The following BBX variants were observed in gnomAD, a reference collection of about 807,000 sequenced individuals.
BBX encodes HMG box transcription factor BBX.
Under a neutral mutation model 100.2 loss-of-function variants are expected in BBX, and 30 were observed. The ratio of observed to expected loss-of-function variants is 0.30; its 90% CI spans 0.22 to 0.41. The LOEUF (loss-of-function observed/expected upper bound fraction) is 0.41. Ranked by LOEUF, BBX falls within the 10% of genes least tolerant of loss-of-function variation. The probability of loss-of-function intolerance (pLI) is 1.00; values close to 1 mark genes in which losing one functional copy is unlikely to be tolerated. For missense variants in BBX, 1,023 were observed against 1,129.8 expected (o/e 0.91, Z 1.35); for synonymous variants, 376 against 388.1 (o/e 0.97, Z 0.37).
At chr3:107,780,108 C>G (rs2067722735) in intron 13 of BBX, among the ~76,000 whole-genome samples, 1 of 151,962 alleles carries the variant, frequency 6.6e-6, no homozygotes, top group South Asian at 2.1e-4. Context: ...AATGGATTGC[C>G]AAATGAAATG....
intron 3 of BBX, among the ~76,000 whole-genome samples, chr3:107,656,091 A>G (rs1203271459): frequency 6.6e-6 from 1 of 152,176 alleles, no homozygotes; most frequent in Non-Finnish European, 1.5e-5. Context: ...TTATTCTGTT[A>G]TTTAATTCAT....
At chr3:107,591,618 G>A (rs1381804280) in intron 2 of BBX, among the ~76,000 whole-genome samples, 2 of 152,200 alleles carry the variant, frequency 1.3e-5, no homozygotes, top group African/African-American at 4.8e-5. Flanking sequence ...CTCCCGAGTA[G>A]CTGGGACCAC....
At chr3:107,753,078 T>C (rs945112400) in intron 9 of BBX, among the ~76,000 whole-genome samples, 7 of 152,068 alleles carry the variant, frequency 4.6e-5, no homozygotes, top group African/African-American at 1.4e-4. Flanking sequence ...GAAGGGATTA[T>C]TATGGAAAGA....
chr3:107,644,080 G>A (rs1042720283), intron 2 of BBX, among the ~76,000 whole-genome samples: 1 of 152,034 alleles, frequency 6.6e-6, no homozygotes, highest in African/African-American at 2.4e-5. Context: ...ATAAATTATT[G>A]AACAGTTATC....
intron 10 of BBX, among the ~76,000 whole-genome samples, chr3:107,762,145 T>C (rs1223938875): frequency 6.6e-6 from 1 of 152,226 alleles, no homozygotes; most frequent in Non-Finnish European, 1.5e-5. Flanking sequence ...TAGGTTATTT[T>C]TGGAGGAACA....
rs1050706869 is a variant in BBX at position 107,807,710 on chromosome 3, T to TAAA, written c.*2264_*2266dup. 2.1e-5 allele frequency: 3 copies of TAAA among 142,386 alleles called. No individual in the cohort carries two copies. The highest frequency in any genetic ancestry group is 1.4e-4 in the Admixed American group (2 of 14,240). 8.8% of individuals were successfully genotyped at this position (142,386 alleles called of 1,614,324 possible). On this transcript the variant is annotated 3_prime_UTR_variant, in exon 18 of 18. Transcript: ENST00000325805. The stretch of plus-strand genomic sequence containing the variant: ...TGCTGTATATTCCTGGGACCTTTTT[T>TAAA]AAAAAAAAAAAAAGCAAAACAAAAG...
chr3:107,650,681 A>G (rs1015351989), intron 3 of BBX, among the ~76,000 whole-genome samples: 2 of 152,126 alleles, frequency 1.3e-5, no homozygotes, highest in Admixed American at 6.5e-5. Flanking sequence ...TAAATGGAGT[A>G]TTTTTGTAAC....
intron 2 of BBX, among the ~76,000 whole-genome samples, chr3:107,627,807 A>G (rs892775269): frequency 1.3e-5 from 2 of 152,118 alleles, no homozygotes; most frequent in African/African-American, 4.8e-5. Flanking sequence ...GTTGTAAGAA[A>G]GAAAGCATGA....
chr3:107,716,724 C>T lies in BBX; in HGVS notation c.280C>T (p.His94Tyr), dbSNP rs774850210. ...MNAFLLFCKR[H>Y]RSLVRQEHPR... The stretch of plus-strand genomic sequence containing the variant: ...TGCATTTCTTTTATTTTGCAAACGC[C>T]ATCGCTCTCTTGTACGTCAGGAACA... Residue 94 changes from histidine to tyrosine, a missense_variant, in exon 5 of 18, where the codon CAT becomes TAT. Physicochemically the swap from His to Tyr is moderately conservative, Grantham distance 83. Coordinates refer to ENST00000325805, the MANE Select transcript of BBX (RefSeq NM_001142568.3). 5 of 1,613,668 alleles carry T rather than the reference C, an allele frequency of 3.1e-6. No homozygotes were observed. In the African/African-American group the frequency reaches 6.7e-5, roughly 22 times the overall value.
intron 2 of BBX, among the ~76,000 whole-genome samples, chr3:107,583,963 ATT>A (rs1491096780): frequency 5.6e-5 from 4 of 70,854 alleles, no homozygotes; most frequent in Non-Finnish European, 7.4e-5. Context: ...TATTATATAT[ATT>A]ATATATATTA....
chr3:107,737,742 A>C (rs1424855588), intron 7 of BBX, among the ~76,000 whole-genome samples: 1 of 152,106 alleles, frequency 6.6e-6, no homozygotes, highest in African/African-American at 2.4e-5. Context: ...AAAGGAAATC[A>C]CATTGATTTT....
chr3:107,616,261 A>G (rs1213171411), intron 2 of BBX, among the ~76,000 whole-genome samples: 1 of 151,772 alleles, frequency 6.6e-6, no homozygotes, highest in East Asian at 1.9e-4. Flanking sequence ...TGAATTCGGT[A>G]TGCTCAAATG....
chr3:107,741,212 A>G (rs1297619528), intron 7 of BBX, among the ~76,000 whole-genome samples: 1 of 152,002 alleles, frequency 6.6e-6, no homozygotes, highest in Non-Finnish European at 1.5e-5. Flanking sequence ...CATGATAACA[A>G]CCTAGCTTTC....
Position 107,810,914 on chromosome 3 carries a change from T to A in BBX, c.*5457T>A, listed in dbSNP as rs1161147535. The A allele has an allele frequency of 6.6e-6, 1 of 151,970 alleles. No individual in the cohort carries two copies. Among genetic ancestry groups the A allele is most frequent in the Non-Finnish European group, 1.5e-5 (1 of 67,966 alleles). The allele number at this position is 151,970 out of a possible 1,614,324, so 9.4% of individuals were successfully genotyped here. ...TTTCAGCATGACTGAATCGCTCATT[T>A]TTTTTTTTTGCTTTCAGAAATTGGC... On this transcript the variant is annotated 3_prime_UTR_variant, in exon 18 of 18. Coordinates refer to ENST00000325805, the MANE Select transcript of BBX (RefSeq NM_001142568.3).
At chr3:107,763,606 G>A (rs1213632995) in intron 10 of BBX, among the ~76,000 whole-genome samples, 2 of 152,068 alleles carry the variant, frequency 1.3e-5, no homozygotes, top group East Asian at 3.9e-4. Context: ...CCTGAACCCA[G>A]GAACATAAAA....
At chr3:107,727,396 G>A (rs2063026420) in intron 5 of BBX, among the ~76,000 whole-genome samples, 1 of 152,046 alleles carries the variant, frequency 6.6e-6, no homozygotes, top group African/African-American at 2.4e-5. Context: ...TGTGTCTCTT[G>A]TATCACAGTT....
intron 3 of BBX, among the ~76,000 whole-genome samples, chr3:107,693,316 G>T (rs1304645359): frequency 6.6e-6 from 1 of 151,776 alleles, no homozygotes; most frequent in African/African-American, 2.4e-5. Context: ...TTCTTCTAGG[G>T]TTTTTATGGT....
intron 7 of BBX, among the ~76,000 whole-genome samples, chr3:107,742,583 T>C (rs2064205007): frequency 6.6e-6 from 1 of 152,190 alleles, no homozygotes; most frequent in South Asian, 2.1e-4. Flanking sequence ...ATTACTGTTA[T>C]TTTAGCCATT....
At chr3:107,750,088 G>T (rs1444813883) in intron 9 of BBX, among the ~76,000 whole-genome samples, 1 of 152,128 alleles carries the variant, frequency 6.6e-6, no homozygotes, top group Non-Finnish European at 1.5e-5. Flanking sequence ...ATTTGTCCTT[G>T]CTGCTCCGTA....
Sources: allele counts gnomAD v4.1 joint callset (sites outside exome capture counted in the v4.1 genomes callset), GRCh38; gene constraint gnomAD v4.1.1; transcripts MANE v1.5; gene names NCBI Gene and HGNC (gene_info 2026-07-23, HGNC 2026-07-21).